Variants in MGAT4C observed in about 807,000 individuals in gnomAD.
MGAT4C encodes MGAT4 family member C.
In MGAT4C, 19 loss-of-function variants were observed where a neutral mutation model predicts 40.1. The ratio of observed to expected loss-of-function variants is 0.47; its 90% CI spans 0.33 to 0.70. The LOEUF (loss-of-function observed/expected upper bound fraction) is 0.70, where lower values mean the gene tolerates loss of function less well. Among genes scored for constraint, MGAT4C ranks in the 30% least tolerant of loss-of-function variants. The pLI is 0.02. For synonymous variants in MGAT4C, 181 were observed against 187.1 expected (o/e 0.97, Z 0.27); for missense variants, 491 against 563.2 (o/e 0.87, Z 1.30).
At chr12:86,199,709 T>G (rs1468422656) in intron 1 of MGAT4C, among the ~76,000 whole-genome samples, 2 of 152,150 alleles carry the variant, frequency 1.3e-5, no homozygotes, top group Non-Finnish European at 2.9e-5. Flanking sequence ...GAATGTAAAA[T>G]GCTTAGTGAA....
intron 3 of MGAT4C, among the ~76,000 whole-genome samples, chr12:86,345,933 A>C (rs1955022187): frequency 6.6e-6 from 1 of 152,174 alleles, no homozygotes; most frequent in Non-Finnish European, 1.5e-5. Flanking sequence ...CTGACTTTTT[A>C]ATGATCGCCA....
At chr12:86,308,500 T>C (rs1953994732) in intron 4 of MGAT4C, among the ~76,000 whole-genome samples, 2 of 150,592 alleles carry the variant, frequency 1.3e-5, no homozygotes, top group Non-Finnish European at 2.9e-5. Flanking sequence ...AAAAGGATGT[T>C]TTCTTCTGCA....
At chr12:86,588,992 A>G (rs1050243663) in intron 2 of MGAT4C, among the ~76,000 whole-genome samples, 1 of 150,988 alleles carries the variant, frequency 6.6e-6, no homozygotes, top group Admixed American at 6.6e-5. Context: ...AATTAAAAGA[A>G]CTAGAAAAGC....
At chr12:86,060,557 TA>T (rs1312879035) in intron 1 of MGAT4C, among the ~76,000 whole-genome samples, 1 of 152,148 alleles carries the variant, frequency 6.6e-6, no homozygotes, top group Non-Finnish European at 1.5e-5. Flanking sequence ...TATTTAATTA[TA>T]AAATTATATC....
chr12:86,359,794 T>C (rs1231295879), intron 3 of MGAT4C, among the ~76,000 whole-genome samples: 1 of 152,106 alleles, frequency 6.6e-6, no homozygotes, highest in Non-Finnish European at 1.5e-5. Flanking sequence ...AAGTTGAATC[T>C]CTGAATAGAC....
rs569060082 is a variant in MGAT4C at position 86,740,438 on chromosome 12, C to G, written c.-261-13197G>C. Among the ~76,000 whole-genome samples, 6 of 151,126 alleles carry G rather than the reference C, an allele frequency of 4.0e-5. No homozygotes were observed. The South Asian group carries it at 1.0e-3, about 26-fold the overall frequency. ...ATAACACTGAAATAAAATTGAAAGA[C>G]TAAATGTAAGCTTTTATTAACCAAA... On this transcript the variant is annotated intron_variant, in intron 1 of 7. Coordinates refer to the MGAT4C transcript ENST00000548651.
chr12:86,394,219 A>T (rs1457933234), intron 3 of MGAT4C, among the ~76,000 whole-genome samples: 1 of 152,122 alleles, frequency 6.6e-6, no homozygotes. Context: ...AACAACATAT[A>T]GCCATATGGG....
chr12:86,826,774 G>A (rs956888780), intron 1 of MGAT4C, among the ~76,000 whole-genome samples: 4 of 151,222 alleles, frequency 2.6e-5, no homozygotes, highest in African/African-American at 4.8e-5. Flanking sequence ...TAGCGATCTA[G>A]TTAAACTGAA....
At chr12:86,396,701 C>G (rs1053725581) in intron 3 of MGAT4C, among the ~76,000 whole-genome samples, 9 of 151,902 alleles carry the variant, frequency 5.9e-5, no homozygotes, top group Non-Finnish European at 1.3e-4. Flanking sequence ...AGATACAATG[C>G]CATTATGTAT....
intron 1 of MGAT4C, among the ~76,000 whole-genome samples, chr12:86,080,986 G>A (rs985039225): frequency 3.3e-5 from 5 of 152,064 alleles, no homozygotes; most frequent in Non-Finnish European, 5.9e-5. Context: ...TATGTTTTCT[G>A]AGCATTCAAC....
chr12:86,183,607 C>T (rs573761626), intron 1 of MGAT4C, among the ~76,000 whole-genome samples: 2 of 152,204 alleles, frequency 1.3e-5, no homozygotes, highest in Admixed American at 6.5e-5. Flanking sequence ...GTGTAAACAA[C>T]AGAAATTTAC....
intron 4 of MGAT4C, among the ~76,000 whole-genome samples, chr12:86,301,228 TGAAA>T (rs1238257724): frequency 6.6e-6 from 1 of 152,194 alleles, no homozygotes; most frequent in Non-Finnish European, 1.5e-5. Flanking sequence ...TCTTTGTAAC[TGAAA>T]GAGTCTTGTA....
intron 4 of MGAT4C, among the ~76,000 whole-genome samples, chr12:86,312,660 C>T (rs1268187029): frequency 6.6e-6 from 1 of 151,854 alleles, no homozygotes; most frequent in Non-Finnish European, 1.5e-5. Flanking sequence ...CTTATGAAAA[C>T]CTATATATAT....
intron 1 of MGAT4C, among the ~76,000 whole-genome samples, chr12:86,050,674 C>T (rs1359976120): frequency 1.3e-5 from 2 of 151,996 alleles, no homozygotes; most frequent in African/African-American, 4.8e-5. Context: ...ATTTCTCTCT[C>T]TACTTAAATG....
Position 85,958,868 on chromosome 12 carries a change from G to A in MGAT4C, c.*20421C>T, listed in dbSNP as rs1018137753. 3 of 151,914 alleles carry A rather than the reference G, an allele frequency of 2.0e-5. No individual in the cohort carries two copies. Among genetic ancestry groups the A allele is most frequent in the African/African-American group, 7.3e-5 (3 of 41,370 alleles). 9.4% of individuals were successfully genotyped at this position (151,914 alleles called of 1,614,324 possible). The stretch of plus-strand genomic sequence containing the variant: ...ATTTAGTTAAGCTTACTTAACTAAT[G>A]ATCAAATAGATTAAGTTGTATAAAA... On this transcript the variant is annotated 3_prime_UTR_variant, in exon 5 of 5. Coordinates refer to ENST00000611864, the MANE Select transcript of MGAT4C (RefSeq NM_001351288.2).
chr12:86,385,686 T>C (rs1400364629), intron 3 of MGAT4C, among the ~76,000 whole-genome samples: 1 of 152,178 alleles, frequency 6.6e-6, no homozygotes, highest in East Asian at 1.9e-4. Context: ...ATTGATGAAG[T>C]TGAGCCTGTT....
chr12:86,096,984 T>C (rs527879394), intron 1 of MGAT4C, among the ~76,000 whole-genome samples: 1 of 151,718 alleles, frequency 6.6e-6, no homozygotes, highest in African/African-American at 2.4e-5. Flanking sequence ...TTATATACTA[T>C]ACATATGTTG....
chr12:86,665,261 G>A (rs1340154863), intron 2 of MGAT4C, among the ~76,000 whole-genome samples: 1 of 152,072 alleles, frequency 6.6e-6, no homozygotes, highest in South Asian at 2.1e-4. Context: ...AACATTAATG[G>A]GTTTGAAAAG....
intron 2 of MGAT4C, among the ~76,000 whole-genome samples, chr12:86,598,882 A>G (rs1423417414): frequency 6.6e-6 from 1 of 152,172 alleles, no homozygotes; most frequent in Non-Finnish European, 1.5e-5. Flanking sequence ...TAAAATAAAT[A>G]ATAGACATTC....
Sources: allele counts gnomAD v4.1 joint callset (sites outside exome capture counted in the v4.1 genomes callset), GRCh38; gene constraint gnomAD v4.1.1; transcripts MANE v1.5; gene names NCBI Gene and HGNC (gene_info 2026-07-23, HGNC 2026-07-21).